SLC24A2: variants seen among roughly 807,000 people sequenced by gnomAD.
The protein encoded by SLC24A2 is solute carrier family 24 member 2.
Under a neutral mutation model 62.0 loss-of-function variants are expected in SLC24A2, and 36 were observed. The observed-to-expected ratio is 0.58, with a 90% CI of 0.44 to 0.77. The LOEUF is 0.77. SLC24A2 is among the 30% of genes least tolerant of loss of function. The probability of loss-of-function intolerance (pLI) is 0.00; values close to 1 mark genes in which losing one functional copy is unlikely to be tolerated. For synonymous variants in SLC24A2, 358 were observed against 294.0 expected (o/e 1.22, Z -2.23); for missense variants, 846 against 817.9 (o/e 1.03, Z -0.42).
the SLC24A2 span, among the ~76,000 whole-genome samples, chr9:19,904,873 C>A: frequency 6.6e-6 from 1 of 152,110 alleles, no homozygotes; most frequent in East Asian, 1.9e-4. Context: ...GACATATCTA[C>A]ACAGCTGGTA....
At chr9:19,656,416 C>A (rs1020153286) in intron 2 of SLC24A2, among the ~76,000 whole-genome samples, 12 of 152,156 alleles carry the variant, frequency 7.9e-5, no homozygotes, top group African/African-American at 2.9e-4. Flanking sequence ...GTATTATTTT[C>A]TCTTGTGTTT....
the SLC24A2 span, among the ~76,000 whole-genome samples, chr9:20,032,016 G>A: frequency 2.1e-3 from 326 of 152,264 alleles, no homozygotes; most frequent in Admixed American, 0.019. Flanking sequence ...CAGTGTCTGC[G>A]TTTCAAGCTC....
At chr9:20,257,559 A>G in the SLC24A2 span, among the ~76,000 whole-genome samples, 2 of 152,168 alleles carry the variant, frequency 1.3e-5, no homozygotes, top group African/African-American at 4.8e-5. Context: ...GGCCTCTGGA[A>G]AGAAGCATGT....
chr9:19,726,203 C>T (rs554672733), intron 2 of SLC24A2, among the ~76,000 whole-genome samples: 1 of 152,234 alleles, frequency 6.6e-6, no homozygotes, highest in South Asian at 2.1e-4. Flanking sequence ...ACATTTCACA[C>T]AGAACATTGC....
At chr9:19,521,178 C>G (rs1458221825) in intron 9 of SLC24A2, 118 bp from the exon 10 acceptor site, 4 of 913,234 alleles carry the variant, frequency 4.4e-6, no homozygotes, top group Non-Finnish European at 7.0e-6. Context: ...ATGCAAAGTG[C>G]TGAGATGATA....
At chr9:19,971,586 C>A in the SLC24A2 span, among the ~76,000 whole-genome samples, 1 of 152,160 alleles carries the variant, frequency 6.6e-6, no homozygotes, top group Non-Finnish European at 1.5e-5. Flanking sequence ...GAAATTGAAT[C>A]TGACAGTATG....
chr9:20,294,706 T>C, the SLC24A2 span, among the ~76,000 whole-genome samples: 1 of 152,118 alleles, frequency 6.6e-6, no homozygotes, highest in Non-Finnish European at 1.5e-5. Flanking sequence ...TTTAATTCAA[T>C]AAATATTTGC....
chr9:20,102,270 C>G, the SLC24A2 span, among the ~76,000 whole-genome samples: 16,892 of 151,912 alleles, frequency 0.11, 1,005 homozygotes, highest in Middle Eastern at 0.17. Flanking sequence ...TATGAGTAAA[C>G]AAAATGTGGC....
the SLC24A2 span, among the ~76,000 whole-genome samples, chr9:20,165,525 G>C: frequency 3.3e-5 from 5 of 151,774 alleles, no homozygotes; most frequent in African/African-American, 1.2e-4. Flanking sequence ...TAATAAAGTG[G>C]TATCTCAAAT....
the SLC24A2 span, among the ~76,000 whole-genome samples, chr9:19,899,639 T>G: frequency 6.6e-6 from 1 of 152,226 alleles, no homozygotes; most frequent in African/African-American, 2.4e-5. Flanking sequence ...ATTCTCATGC[T>G]GCTAATAAAG....
the SLC24A2 span, among the ~76,000 whole-genome samples, chr9:20,212,071 A>G: frequency 2.0e-5 from 3 of 148,834 alleles, no homozygotes; most frequent in African/African-American, 7.8e-5. Context: ...CCCTATTACA[A>G]AAGAATTCAA....
At chr9:19,530,196 C>A (rs1207354157) in intron 8 of SLC24A2, among the ~76,000 whole-genome samples, 4 of 150,334 alleles carry the variant, frequency 2.7e-5, no homozygotes, top group African/African-American at 9.8e-5. Flanking sequence ...AGTTCCCATC[C>A]TTTTCATCTG....
chr9:20,038,367 G>A, the SLC24A2 span, among the ~76,000 whole-genome samples: 1 of 152,124 alleles, frequency 6.6e-6, no homozygotes, highest in Non-Finnish European at 1.5e-5. Context: ...TTCCTCTCAG[G>A]TGACTGGGGT....
chr9:20,050,562 G>C, the SLC24A2 span, among the ~76,000 whole-genome samples: 7 of 152,310 alleles, frequency 4.6e-5, no homozygotes, highest in African/African-American at 1.7e-4. Flanking sequence ...GTGAGAATCA[G>C]TGTTTAATGC....
chr9:19,801,463 G>C, the SLC24A2 span, among the ~76,000 whole-genome samples: 8 of 152,288 alleles, frequency 5.3e-5, no homozygotes, highest in Admixed American at 3.3e-4. Context: ...AGCTCAGCTC[G>C]AGCCATAACA....
At chr9:19,768,679 AC>A (rs1378327206) in intron 2 of SLC24A2, among the ~76,000 whole-genome samples, 21 of 152,338 alleles carry the variant, frequency 1.4e-4, no homozygotes, top group African/African-American at 5.1e-4. Context: ...GAATGGCAGC[AC>A]TCAACTTAAA....
intron 2 of SLC24A2, among the ~76,000 whole-genome samples, chr9:19,725,537 A>C (rs1182650): frequency 1.3e-5 from 2 of 151,878 alleles, no homozygotes; most frequent in African/African-American, 4.8e-5. Context: ...ATAATAAGCT[A>C]TTTTCCTAGG....
chr9:19,619,523 A>G (rs1817855410), intron 4 of SLC24A2, 61 bp downstream of exon 4: 1 of 1,274,270 alleles, frequency 7.8e-7, no homozygotes, highest in Non-Finnish European at 1.1e-6. Flanking sequence ...TTTTATGCAG[A>G]GAAGCCTTTT....
the SLC24A2 span, among the ~76,000 whole-genome samples, chr9:19,956,659 T>C: frequency 6.6e-6 from 1 of 152,094 alleles, no homozygotes; most frequent in East Asian, 1.9e-4. Flanking sequence ...AACCATCAGA[T>C]CTCATCAGAC....
Sources: gnomAD v4.1 joint callset for allele counts (sites outside exome capture counted in the v4.1 genomes callset) on GRCh38, gnomAD v4.1.1 for gene constraint, MANE v1.5 for transcripts, NCBI Gene and HGNC (gene_info 2026-07-23, HGNC 2026-07-21) for gene names.